The following ST3GAL4 variants were observed in gnomAD, a reference collection of about 807,000 sequenced individuals.
The protein encoded by ST3GAL4 is ST3 beta-galactoside alpha-2,3-sialyltransferase 4.
ST3GAL4 carries 24 observed loss-of-function variants against 42.6 expected under a neutral mutation model. The observed-to-expected ratio is 0.56, with a 90% CI of 0.41 to 0.79. The LOEUF (loss-of-function observed/expected upper bound fraction) is 0.79. Among genes scored for constraint, ST3GAL4 ranks in the 30% least tolerant of loss-of-function variants. The pLI, the probability that ST3GAL4 is intolerant of heterozygous loss-of-function variation, is 0.00. For missense variants in ST3GAL4, 311 were observed against 430.8 expected, an observed-to-expected ratio of 0.72 and a Z score of 2.46; for synonymous variants, 135 against 163.2, an observed-to-expected ratio of 0.83 and a Z score of 1.32.
chr11:126,365,349 G>A (rs930785534), intron 1 of ST3GAL4, among the ~76,000 whole-genome samples: 4 of 152,074 alleles, frequency 2.6e-5, no homozygotes, highest in African/African-American at 9.6e-5. Context: ...GGGCTGGGAG[G>A]AGGAGGAGGC....
In ST3GAL4 at chr11:126,408,352, C is replaced by T; in HGVS notation, c.483C>T (p.Ser161=). 2 of 1,614,170 alleles carry T rather than the reference C, an allele frequency of 1.2e-6. No individual in the cohort carries two copies. The highest frequency in any genetic ancestry group is 8.5e-7 in the Non-Finnish European group (1 of 1,180,032). The part of the protein sequence containing the change: ...PVAGYEGDVG[S]KTTMRLFYPE... Reference sequence around the variant, plus strand: ...CTGGCTATGAGGGTGACGTGGGCTCCAAGACCACCATGCGTCTCTTCTACC... The same window carrying T: ...CTGGCTATGAGGGTGACGTGGGCTCTAAGACCACCATGCGTCTCTTCTACC... The change falls in exon 8 of 11, where the codon TCC becomes TCT. Residue 161 remains serine, a synonymous_variant. Transcript: ENST00000444328.
intron 1 of ST3GAL4, among the ~76,000 whole-genome samples, chr11:126,367,227 C>T (rs1952463029): frequency 6.6e-6 from 1 of 152,132 alleles, no homozygotes; most frequent in Admixed American, 6.6e-5. Flanking sequence ...TGGAAAGCCA[C>T]CTCCCTAGAG....
At chr11:126,362,232 C>G (rs1159418131) in intron 1 of ST3GAL4, among the ~76,000 whole-genome samples, 95 of 138,630 alleles carry the variant, frequency 6.9e-4, no homozygotes, top group Non-Finnish European at 1.2e-3. Flanking sequence ...GAGTCTCACT[C>G]TGTTGCCCAG....
At chr11:126,377,269 C>G (rs1226680667) in intron 1 of ST3GAL4, among the ~76,000 whole-genome samples, 2 of 151,862 alleles carry the variant, frequency 1.3e-5, no homozygotes, top group Non-Finnish European at 2.9e-5. Flanking sequence ...CTCCCAGGTT[C>G]AAGTGATTCT....
rs1032974837 is a variant in ST3GAL4, at chr11:126,414,259, G to T, written c.*212G>T. On this transcript the variant is annotated 3_prime_UTR_variant, in exon 11 of 11. Transcript: ENST00000444328. ...CAGTCAGGGTGGGGGCGCTGGAGCCGTGGGAGCCCGGCCAGGGCAGGGGGC... is the reference window on the plus strand; with the variant it reads ...CAGTCAGGGTGGGGGCGCTGGAGCCTTGGGAGCCCGGCCAGGGCAGGGGGC... 3 of 586,964 alleles carry T rather than the reference G, an allele frequency of 5.1e-6. No homozygotes were observed. Among genetic ancestry groups the T allele is most frequent in the Non-Finnish European group, 9.1e-6 (3 of 328,356 alleles). 36.4% of individuals were successfully genotyped at this position (586,964 alleles called of 1,614,324 possible).
rs1011693030 is a variant in ST3GAL4, at chr11:126,411,082, C to T, written c.771+1671C>T. ...GGCTGGAGAGGGAGATGAGAGAGGG[C>T]GAGGACCTGAACCCAGCTCCTGGCA... On this transcript the variant is annotated intron_variant, in intron 9 of 10. Transcript: ENST00000444328. This position sits in a 1 kb window ranked among gnomAD's most constrained non-coding sequence, Gnocchi z 6.3. 3.3e-5 allele frequency among the ~76,000 whole-genome samples: 5 copies of T among 151,608 alleles called. No individual in the cohort carries two copies. The highest frequency in any genetic ancestry group is 9.7e-5 in the African/African-American group (4 of 41,264).
chr11:126,376,968 G>A lies in ST3GAL4; in HGVS notation c.-61+21126G>A, dbSNP rs550097945. On this transcript the variant is annotated intron_variant, in intron 1 of 10. Coordinates refer to ENST00000444328, the MANE Select transcript of ST3GAL4 (RefSeq NM_001254757.2). The surrounding 1 kb of genome is among the most constrained non-coding windows in gnomAD (Gnocchi z 5.1). The stretch of plus-strand genomic sequence containing the variant: ...ATTTAGAACCCTTGAGAGAATACAA[G>A]GCACCAGGGGGGTAAACATAATAAT... 3.3e-5 allele frequency: 5 copies of A among 152,278 alleles called. No homozygotes were observed. The South Asian group carries it at 1.0e-3, about 32-fold the overall frequency. The allele number at this position is 152,278 out of a possible 1,614,324, so 9.4% of individuals were successfully genotyped here.
intron 1 of ST3GAL4, among the ~76,000 whole-genome samples, chr11:126,360,083 T>C (rs1952195500): frequency 6.6e-6 from 1 of 152,250 alleles, no homozygotes; most frequent in South Asian, 2.1e-4. Flanking sequence ...CCAATTCTCC[T>C]TCCAACATGG....
At chr11:126,403,542 C>A in intron 1 of ST3GAL4, 3 of 697,290 alleles carry the variant, frequency 4.3e-6, no homozygotes, top group Non-Finnish European at 5.3e-6. Flanking sequence ...CCACCCCTAA[C>A]CAATTAAATA....
chr11:126,386,967 G>A lies in ST3GAL4; in HGVS notation c.-60-19129G>A, dbSNP rs1953249504. The stretch of plus-strand genomic sequence containing the variant: ...CAGTTTGGCAAGTAGGAGGAGGGCT[G>A]GAGCCCAGCCTCACTTGCTGCCCTG... On this transcript the variant is annotated intron_variant, in intron 1 of 10. Coordinates refer to ENST00000444328, the MANE Select transcript of ST3GAL4 (RefSeq NM_001254757.2). The surrounding 1 kb of genome is among the most constrained non-coding windows in gnomAD (Gnocchi z 4.7). Among the ~76,000 whole-genome samples, 1 of 152,076 alleles carries A rather than the reference G, an allele frequency of 6.6e-6. No individual in the cohort carries two copies. Among genetic ancestry groups the A allele is most frequent in the South Asian group, 2.1e-4 (1 of 4,816 alleles).
At chr11:126,408,055 G>T (rs781749309) in intron 6 of ST3GAL4, 44 bp from the exon 7 acceptor site, 1 of 1,600,866 alleles carries the variant, frequency 6.2e-7, no homozygotes, top group South Asian at 1.1e-5. Context: ...GCGAGCCTGG[G>T]TTAGAGTGTG....
chr11:126,359,662 G>A lies in ST3GAL4; in HGVS notation c.-61+3820G>A, dbSNP rs368038631. Reference sequence around the variant, plus strand: ...CCGAACCCCACATCCCGGCCGGGCCGTACCCTGAGCACACGCTTGTCCGCT... The same window carrying A: ...CCGAACCCCACATCCCGGCCGGGCCATACCCTGAGCACACGCTTGTCCGCT... On this transcript the variant is annotated intron_variant, in intron 1 of 10. Coordinates refer to ENST00000444328, the MANE Select transcript of ST3GAL4 (RefSeq NM_001254757.2). This position sits in a 1 kb window ranked among gnomAD's most constrained non-coding sequence, Gnocchi z 4.8. 2.0e-5 allele frequency among the ~76,000 whole-genome samples: 3 copies of A among 152,304 alleles called. No homozygotes were observed. Among genetic ancestry groups the A allele is most frequent in the East Asian group, 1.9e-4 (1 of 5,182 alleles).
chr11:126,406,762 G>A lies in ST3GAL4; in HGVS notation c.102-181G>A, dbSNP rs1404806342. ...ATGTCTCACTGGGCCCTCACCCAGG[G>A]AGTGCAGGGGCAGGAAGACCTGGAT... On this transcript the variant is annotated intron_variant, in intron 3 of 10. Coordinates refer to ENST00000444328, the MANE Select transcript of ST3GAL4 (RefSeq NM_001254757.2). This position sits in a 1 kb window ranked among gnomAD's most constrained non-coding sequence, Gnocchi z 5.4. The A allele has an allele frequency of 5.4e-6, 5 of 925,698 alleles. No individual in the cohort carries two copies. Among genetic ancestry groups the A allele is most frequent in the South Asian group, 5.0e-5 (3 of 60,018 alleles). The allele number at this position is 925,698 out of a possible 1,614,324, so 57.3% of individuals were successfully genotyped here.
chr11:126,395,271 T>TA (rs971270362), intron 1 of ST3GAL4, among the ~76,000 whole-genome samples: 1 of 152,106 alleles, frequency 6.6e-6, no homozygotes, highest in African/African-American at 2.4e-5. Context: ...ACATGGGTGA[T>TA]ACAGCAGCAA....
At position 126,411,451 on chromosome 11, in the gene ST3GAL4, T is replaced by C. The variant is rs1251299880; in HGVS notation, c.771+2040T>C. Among the ~76,000 whole-genome samples the C allele has an allele frequency of 6.6e-6, 1 of 152,172 alleles. No homozygotes were observed. Among genetic ancestry groups the C allele is most frequent in the Non-Finnish European group, 1.5e-5 (1 of 68,028 alleles). On this transcript the variant is annotated intron_variant, in intron 9 of 10. Transcript: ENST00000444328. This position sits in a 1 kb window ranked among gnomAD's most constrained non-coding sequence, Gnocchi z 6.3. ...CTGCGCCTGGCCTGTATTAGCTTTC[T>C]GTTGCTCCCTAACTAATACCACAAG...
Position 126,393,690 on chromosome 11 carries a change from G to T in ST3GAL4, c.-60-12406G>T, listed in dbSNP as rs970287660. Reference sequence around the variant, plus strand: ...TGAGGGTGGACACCACCGTCTTCAGGTCATAGGAAGTGTGAGCTAGCAGGA... The same window carrying T: ...TGAGGGTGGACACCACCGTCTTCAGTTCATAGGAAGTGTGAGCTAGCAGGA... On this transcript the variant is annotated intron_variant, in intron 1 of 10. Coordinates refer to ENST00000444328, the MANE Select transcript of ST3GAL4 (RefSeq NM_001254757.2). The surrounding 1 kb of genome is among the most constrained non-coding windows in gnomAD (Gnocchi z 5.9). Among the ~76,000 whole-genome samples the T allele has an allele frequency of 6.6e-6, 1 of 152,134 alleles. No homozygotes were observed. Among genetic ancestry groups the T allele is most frequent in the Non-Finnish European group, 1.5e-5 (1 of 68,028 alleles).
chr11:126,370,123 C>T (rs1012853496), intron 1 of ST3GAL4, among the ~76,000 whole-genome samples: 6 of 152,212 alleles, frequency 3.9e-5, no homozygotes, highest in African/African-American at 1.4e-4. Context: ...AGACAAGTCT[C>T]TTTGCAAATA....
chr11:126,388,551 C>T (rs1384766453), intron 1 of ST3GAL4, among the ~76,000 whole-genome samples: 2 of 151,122 alleles, frequency 1.3e-5, no homozygotes, highest in African/African-American at 2.4e-5. Context: ...AGGCTGGTCT[C>T]GAACTCATGA....
At chr11:126,390,618 C>CTTTTTTTTTTTTTGTTTTTTT (rs1953464366) in intron 1 of ST3GAL4, among the ~76,000 whole-genome samples, 1 of 126,686 alleles carries the variant, frequency 7.9e-6, no homozygotes, top group African/African-American at 3.2e-5. Flanking sequence ...GTGTTCTTTG[C>CTTTTTTTTTTTTTGTTTTTTT]TTTTTTTTTT....
Sources: gnomAD v4.1 joint callset for allele counts (sites outside exome capture counted in the v4.1 genomes callset) on GRCh38, gnomAD v4.1.1 for gene constraint, Gnocchi (gnomAD v3.1) non-coding constraint, MANE v1.5 for transcripts, NCBI Gene and HGNC (gene_info 2026-07-23, HGNC 2026-07-21) for gene names.